RCAN2: variants seen among roughly 807,000 people sequenced by gnomAD.
RCAN2 encodes the protein calcipressin-2.
Under a neutral mutation model 23.6 loss-of-function variants are expected in RCAN2, and 9 were observed. The observed-to-expected ratio is 0.38, with a 90% CI of 0.23 to 0.67. The LOEUF is 0.67. Ranked by LOEUF, RCAN2 falls within the 30% of genes least tolerant of loss-of-function variation. RCAN2 has a pLI of 0.51. For synonymous variants in RCAN2, 109 were observed against 115.7 expected (o/e 0.94, Z 0.37); for missense variants, 273 against 302.3 (o/e 0.90, Z 0.72).
chr6:46,441,227 G>A (rs1767534587), intron 2 of RCAN2, among the ~76,000 whole-genome samples: 1 of 152,192 alleles, frequency 6.6e-6, no homozygotes, highest in African/African-American at 2.4e-5. Context: ...TAAACAAGGT[G>A]TTGTTAACAC....
At chr6:46,236,300 C>T (rs1766092430) in intron 4 of RCAN2, among the ~76,000 whole-genome samples, 5 of 152,168 alleles carry the variant, frequency 3.3e-5, no homozygotes, top group Admixed American at 1.3e-4. Context: ...TATCCTTTTT[C>T]CTCCAACCAC....
At chr6:46,468,964 G>T in intron 1 of RCAN2, 1 of 346,482 alleles carries the variant, frequency 2.9e-6, no homozygotes, top group Non-Finnish European at 4.1e-6. Context: ...ACTGCCCCCA[G>T]CTGCTTCAGG....
At chr6:46,293,478 A>G (rs573659334) in intron 2 of RCAN2, among the ~76,000 whole-genome samples, 1 of 152,314 alleles carries the variant, frequency 6.6e-6, no homozygotes, top group Admixed American at 6.5e-5. Flanking sequence ...TAGATTAGCA[A>G]AAATACTAGA....
chr6:46,248,846 C>T lies in RCAN2; in HGVS notation c.276G>A (p.Gln92=). 1 of 1,612,736 alleles carries T rather than the reference C, an allele frequency of 6.2e-7. No individual in the cohort carries two copies. The highest frequency in any genetic ancestry group is 1.1e-5 in the South Asian group (1 of 90,942). ...GGACACGTCTGAAACTCTTAAATAG[C>T]TGGAACGTCACACAGTCATCATAAG... ...FRTYDDCVTF[Q]LFKSFRRVRI... Residue 92 remains glutamine, a synonymous_variant, in exon 3 of 5, where the codon CAG becomes CAA. Transcript: ENST00000371374.
At chr6:46,285,176 A>T (rs1277764596) in intron 2 of RCAN2, among the ~76,000 whole-genome samples, 1 of 152,242 alleles carries the variant, frequency 6.6e-6, no homozygotes. Flanking sequence ...ATGTGTGTGT[A>T]TGCGTAAAAT....
intron 2 of RCAN2, among the ~76,000 whole-genome samples, chr6:46,360,750 A>G (rs1764986751): frequency 6.6e-6 from 1 of 152,152 alleles, no homozygotes; most frequent in South Asian, 2.1e-4. Flanking sequence ...AAATAGCCAA[A>G]TGAACACAAA....
chr6:46,378,136 G>A lies in RCAN2; in HGVS notation c.225+78616C>T, dbSNP rs185108734. Among the ~76,000 whole-genome samples, 226 of 152,278 alleles carry A rather than the reference G, an allele frequency of 1.5e-3. 1 individual carries two copies. Among genetic ancestry groups the A allele is most frequent in the Middle Eastern group, 3.4e-3 (1 of 294 alleles). On this transcript the variant is annotated intron_variant, in intron 2 of 4. Transcript: ENST00000371374. ...GATGGCCATTCATTTGCTAATCGTGGTGCCAGTTCAGGGAGGCTGAGACTT... is the reference window on the plus strand; with the variant it reads ...GATGGCCATTCATTTGCTAATCGTGATGCCAGTTCAGGGAGGCTGAGACTT...
At chr6:46,426,757 T>C (rs1334423216) in intron 2 of RCAN2, among the ~76,000 whole-genome samples, 1 of 152,220 alleles carries the variant, frequency 6.6e-6, no homozygotes, top group Non-Finnish European at 1.5e-5. Context: ...TCAATAAAAC[T>C]GTGCTGTGAA....
At chr6:46,305,013 CAT>C (rs1763018750) in intron 2 of RCAN2, among the ~76,000 whole-genome samples, 1 of 152,126 alleles carries the variant, frequency 6.6e-6, no homozygotes, top group Admixed American at 6.5e-5. Context: ...TGCATCACTT[CAT>C]AGTCTCCTAG....
At chr6:46,419,384 C>T (rs578067383) in intron 2 of RCAN2, among the ~76,000 whole-genome samples, 21 of 152,294 alleles carry the variant, frequency 1.4e-4, no homozygotes, top group Admixed American at 5.9e-4. Flanking sequence ...GTATGCTCTT[C>T]TCCCAATATT....
chr6:46,252,990 C>T (rs1347325291), intron 2 of RCAN2, among the ~76,000 whole-genome samples: 1 of 152,122 alleles, frequency 6.6e-6, no homozygotes, highest in Admixed American at 6.5e-5. Context: ...TTATTAAGAT[C>T]CATTTATCTA....
intron 2 of RCAN2, among the ~76,000 whole-genome samples, chr6:46,428,308 CA>C (rs199791453): frequency 2.5e-4 from 37 of 150,376 alleles, no homozygotes; most frequent in Middle Eastern, 3.4e-3. Flanking sequence ...AGAATGATGC[CA>C]AAAAAAAAGT....
At chr6:46,356,463 TC>T (rs1764833932) in intron 2 of RCAN2, among the ~76,000 whole-genome samples, 1 of 152,170 alleles carries the variant, frequency 6.6e-6, no homozygotes, top group Admixed American at 6.5e-5. Context: ...CATTTTTTTT[TC>T]CTACGTGTCC....
chr6:46,311,792 T>C (rs1320617656), intron 2 of RCAN2, among the ~76,000 whole-genome samples: 2 of 152,232 alleles, frequency 1.3e-5, no homozygotes, highest in African/African-American at 2.4e-5. Flanking sequence ...ACTTGAGTTC[T>C]GGTCATTTAT....
intron 2 of RCAN2, among the ~76,000 whole-genome samples, chr6:46,384,134 C>G (rs779890830): frequency 6.6e-6 from 1 of 152,200 alleles, no homozygotes; most frequent in Non-Finnish European, 1.5e-5. Flanking sequence ...CACTGCTGGG[C>G]TCTGGGAACA....
intron 2 of RCAN2, among the ~76,000 whole-genome samples, chr6:46,387,564 C>T (rs1248188655): frequency 2.6e-5 from 4 of 152,140 alleles, no homozygotes; most frequent in Non-Finnish European, 5.9e-5. Flanking sequence ...TACCATCTCA[C>T]ACCAGTTAGA....
chr6:46,481,246 A>G (rs932606075), intron 1 of RCAN2, among the ~76,000 whole-genome samples: 1 of 152,254 alleles, frequency 6.6e-6, no homozygotes, highest in African/African-American at 2.4e-5. Context: ...ACTGGTTTTT[A>G]TACCCTAGTG....
intron 2 of RCAN2, among the ~76,000 whole-genome samples, chr6:46,308,949 G>T (rs567078083): frequency 5.9e-5 from 9 of 152,090 alleles, no homozygotes; most frequent in Non-Finnish European, 1.2e-4. Context: ...ACACTTACTT[G>T]TCTCTACAGT....
At chr6:46,437,170 C>T (rs1398328850) in intron 2 of RCAN2, among the ~76,000 whole-genome samples, 1 of 152,198 alleles carries the variant, frequency 6.6e-6, no homozygotes, top group East Asian at 1.9e-4. Flanking sequence ...ATGCCCTGAA[C>T]AGGCAATAGG....
Sources: gnomAD v4.1 joint callset for allele counts (sites outside exome capture counted in the v4.1 genomes callset) on GRCh38, gnomAD v4.1.1 for gene constraint, MANE v1.5 for transcripts, NCBI Gene and HGNC (gene_info 2026-07-23, HGNC 2026-07-21) for gene names.